NRXN1: variants seen among roughly 807,000 people sequenced by gnomAD.
NRXN1 encodes neurexin 1.
A neutral mutation model predicts 150.9 loss-of-function variants in NRXN1; 39 were observed. That is an observed-to-expected ratio of 0.26 (90% CI 0.20 to 0.34). The LOEUF (loss-of-function observed/expected upper bound fraction) is 0.34. NRXN1 is among the 10% of genes least tolerant of loss of function. The pLI is 1.00. For synonymous variants in NRXN1, 924 were observed against 757.0 expected (o/e 1.22, Z -3.62); for missense variants, 1,815 against 1,949.9 (o/e 0.93, Z 1.30).
At chr2:50,257,511 C>T (rs909460273) in intron 17 of NRXN1, among the ~76,000 whole-genome samples, 10 of 151,984 alleles carry the variant, frequency 6.6e-5, no homozygotes, top group East Asian at 1.9e-4. Flanking sequence ...GCCAGATTTA[C>T]GGCTTGAAAA....
At chr2:50,026,395 C>G (rs1352078104) in intron 21 of NRXN1, among the ~76,000 whole-genome samples, 1 of 152,138 alleles carries the variant, frequency 6.6e-6, no homozygotes, top group Non-Finnish European at 1.5e-5. Flanking sequence ...TTCTATTTTT[C>G]AACACCAAAT....
chr2:50,155,888 T>C (rs1380755302), intron 18 of NRXN1, among the ~76,000 whole-genome samples: 1 of 151,590 alleles, frequency 6.6e-6, no homozygotes, highest in East Asian at 1.9e-4. Flanking sequence ...TAAAAAAAAG[T>C]AGACATTTGT....
intron 2 of NRXN1, among the ~76,000 whole-genome samples, chr2:50,955,949 C>G (rs2104637842): frequency 6.6e-6 from 1 of 152,232 alleles, no homozygotes; most frequent in Admixed American, 6.5e-5. Context: ...GCTGGGTTAG[C>G]AAAACACATG....
intron 5 of NRXN1, among the ~76,000 whole-genome samples, chr2:50,786,724 T>G (rs1679570677): frequency 6.6e-6 from 1 of 152,118 alleles, no homozygotes; most frequent in Non-Finnish European, 1.5e-5. Context: ...TCTTCTACAT[T>G]AATGCATTCC....
intron 5 of NRXN1, among the ~76,000 whole-genome samples, chr2:50,707,761 T>A (rs149720156): frequency 6.6e-6 from 1 of 152,218 alleles, no homozygotes; most frequent in Non-Finnish European, 1.5e-5. Context: ...GAAGAGCATA[T>A]CCTATCTAGT....
chr2:50,659,847 AT>A (rs1297396107), intron 5 of NRXN1, among the ~76,000 whole-genome samples: 1 of 151,098 alleles, frequency 6.6e-6, no homozygotes, highest in Non-Finnish European at 1.5e-5. Context: ...TTTATACTTG[AT>A]TTTTCTTTGA....
chr2:50,029,160 G>A (rs1558726615), intron 21 of NRXN1, among the ~76,000 whole-genome samples: 1 of 152,198 alleles, frequency 6.6e-6, no homozygotes. Context: ...TTTTCACCAT[G>A]TGAGAGACAA....
chr2:50,445,273 T>TG (rs1450870856), intron 17 of NRXN1, among the ~76,000 whole-genome samples: 5 of 152,176 alleles, frequency 3.3e-5, no homozygotes, highest in African/African-American at 1.2e-4. Flanking sequence ...CTCAAAATCC[T>TG]GGAACAGTTG....
chr2:50,304,223 G>T (rs2074413439), intron 17 of NRXN1, among the ~76,000 whole-genome samples: 1 of 152,006 alleles, frequency 6.6e-6, no homozygotes, highest in Admixed American at 6.6e-5. Context: ...ACCCTATAAA[G>T]ACAAACCCAA....
intron 17 of NRXN1, among the ~76,000 whole-genome samples, chr2:50,363,289 T>C (rs889362660): frequency 1.3e-5 from 2 of 152,060 alleles, no homozygotes; most frequent in Admixed American, 6.6e-5. Flanking sequence ...GAAACTATCA[T>C]CAAAGTGAAC....
At chr2:50,715,672 T>G (rs2105078734) in intron 5 of NRXN1, among the ~76,000 whole-genome samples, 1 of 152,290 alleles carries the variant, frequency 6.6e-6, no homozygotes, top group Admixed American at 6.5e-5. Context: ...TTGTGCATTC[T>G]TGCCTTTTTG....
intron 5 of NRXN1, chr2:50,918,702 A>C: frequency 3.0e-6 from 1 of 338,948 alleles, no homozygotes; most frequent in Non-Finnish European, 5.4e-6. Context: ...ACACATACAT[A>C]GGAAAAGAAA....
chr2:50,253,801 G>A (rs1487568320), intron 17 of NRXN1, among the ~76,000 whole-genome samples: 1 of 152,060 alleles, frequency 6.6e-6, no homozygotes, highest in Non-Finnish European at 1.5e-5. Flanking sequence ...ATGTGCTGCT[G>A]CCTTTGGTTT....
In NRXN1 at chr2:50,506,534, T is replaced by C; in HGVS notation, c.2458A>G (p.Ser820Gly). The change falls in exon 13 of 23, where the codon AGT (serine) becomes GGT (glycine). Residue 820 changes from serine (S) to glycine (G), a missense_variant. Physicochemically the swap from Ser to Gly is moderately conservative, Grantham distance 56. This residue lies in a region of NRXN1 where 638 missense variants were observed against 652.6 expected (regional missense o/e 0.98). Transcript: ENST00000401669. The stretch of plus-strand genomic sequence containing the variant: ...TGGTCATCCACTGTTAACTTTAAAC[T>C]TTTTCCACGCCGAACTACACGCACT... ...HTVRVVRRGK[S>G]LKLTVDDQQA... is the part of the protein sequence containing the mutation. The C allele has an allele frequency of 6.2e-7, 1 of 1,612,790 alleles. No homozygotes were observed. The highest frequency in any genetic ancestry group is 1.3e-5 in the African/African-American group (1 of 74,902).
intron 9 of NRXN1, among the ~76,000 whole-genome samples, chr2:50,549,046 C>T (rs551591091): frequency 4.3e-4 from 66 of 152,168 alleles, no homozygotes; most frequent in African/African-American, 1.5e-3. Flanking sequence ...ACTTTCTCCA[C>T]ATTATATGAA....
At chr2:50,117,270 G>A (rs114017618) in intron 18 of NRXN1, among the ~76,000 whole-genome samples, 1,774 of 152,110 alleles carry the variant, frequency 0.012, 36 homozygotes, top group African/African-American at 0.04. Context: ...CCTTTAAGTC[G>A]GCAAGATCCC....
intron 5 of NRXN1, among the ~76,000 whole-genome samples, chr2:50,663,597 T>G (rs574746488): frequency 6.6e-6 from 1 of 152,136 alleles, no homozygotes; most frequent in Admixed American, 6.5e-5. Context: ...GCTAATTCTG[T>G]TTGGGTTGGA....
chr2:50,651,248 C>T (rs1284601700), intron 5 of NRXN1, among the ~76,000 whole-genome samples: 2 of 151,506 alleles, frequency 1.3e-5, no homozygotes, highest in African/African-American at 2.4e-5. Context: ...TATAGAATAC[C>T]CTCTGGCCAT....
intron 21 of NRXN1, among the ~76,000 whole-genome samples, chr2:49,982,502 C>T (rs1680150507): frequency 6.6e-6 from 1 of 151,820 alleles, no homozygotes; most frequent in East Asian, 1.9e-4. Context: ...AATCCCACCA[C>T]CTTGACAAAA....
Sources: allele counts gnomAD v4.1 joint callset (sites outside exome capture counted in the v4.1 genomes callset), GRCh38; gene constraint gnomAD v4.1.1; regional missense constraint gnomAD v4.1.1; transcripts MANE v1.5; gene names NCBI Gene and HGNC (gene_info 2026-07-23, HGNC 2026-07-21).